The following CCDC148 variants were observed in gnomAD, a reference collection of about 807,000 sequenced individuals.
The protein encoded by CCDC148 is coiled-coil domain containing 148.
CCDC148 carries 89 observed loss-of-function variants against 85.7 expected under a neutral mutation model. That is an observed-to-expected ratio of 1.04 (90% confidence interval 0.87 to 1.24). The LOEUF (loss-of-function observed/expected upper bound fraction) is 1.24. Among genes scored for constraint, CCDC148 ranks in the 50% most tolerant of loss-of-function variants. The pLI, the probability that CCDC148 is intolerant of heterozygous loss-of-function variation, is 0.00. For synonymous variants in CCDC148, 230 were observed against 213.9 expected, an observed-to-expected ratio of 1.08 and a Z score of -0.66; for missense variants, 692 against 671.7, an observed-to-expected ratio of 1.03 and a Z score of -0.33.
chr2:158,388,948 T>C (rs1685196109), intron 1 of CCDC148, among the ~76,000 whole-genome samples: 1 of 152,222 alleles, frequency 6.6e-6, no homozygotes, highest in African/African-American at 2.4e-5. Context: ...TAGTTGCAGA[T>C]GCCTGAAAAC....
intron 1 of CCDC148, among the ~76,000 whole-genome samples, chr2:158,394,896 T>C (rs1176207058): frequency 6.6e-6 from 1 of 152,106 alleles, no homozygotes; most frequent in Non-Finnish European, 1.5e-5. Context: ...AAATGAGTTA[T>C]CTTATTATAA....
At chr2:158,345,386 G>C (rs189287327) in intron 2 of CCDC148, 68 bp from the exon 3 acceptor site, 1 of 1,026,442 alleles carries the variant, frequency 9.7e-7, no homozygotes, top group Admixed American at 2.3e-5. Flanking sequence ...CAACAGAAAT[G>C]CTTAATCTGA....
chr2:158,208,519 C>T (rs770694289), intron 11 of CCDC148, among the ~76,000 whole-genome samples: 2 of 152,002 alleles, frequency 1.3e-5, no homozygotes, highest in African/African-American at 2.4e-5. Flanking sequence ...CAGGGCCTGT[C>T]GAGGAGCTGT....
At chr2:158,342,257 T>C (rs1233612737) in intron 3 of CCDC148, among the ~76,000 whole-genome samples, 2 of 152,078 alleles carry the variant, frequency 1.3e-5, no homozygotes, top group African/African-American at 2.4e-5. Flanking sequence ...CTCAAACTCC[T>C]GACCTCAGGT....
At chr2:158,439,031 C>G (rs1457876098) in intron 1 of CCDC148, among the ~76,000 whole-genome samples, 8 of 152,168 alleles carry the variant, frequency 5.3e-5, no homozygotes, top group Non-Finnish European at 1.2e-4. Context: ...GTTGGTGGGA[C>G]TGTAAACTAG....
At chr2:158,340,188 A>G (rs900279095) in intron 5 of CCDC148, 54 bp downstream of exon 5, 11 of 1,547,818 alleles carry the variant, frequency 7.1e-6, no homozygotes, top group South Asian at 1.2e-5. Flanking sequence ...AAACTCTTCT[A>G]GTTGGGACAA....
chr2:158,430,215 C>G (rs1318412803), intron 1 of CCDC148, among the ~76,000 whole-genome samples: 1 of 152,274 alleles, frequency 6.6e-6, no homozygotes, highest in African/African-American at 2.4e-5. Context: ...CAATCATTCA[C>G]AGTAGGGACC....
chr2:158,437,910 C>T (rs545444373), intron 1 of CCDC148, among the ~76,000 whole-genome samples: 1 of 152,284 alleles, frequency 6.6e-6, no homozygotes, highest in East Asian at 1.9e-4. Flanking sequence ...AGGAATCCAA[C>T]TTACAAGGGA....
intron 7 of CCDC148, among the ~76,000 whole-genome samples, chr2:158,330,146 G>A (rs994448003): frequency 6.6e-6 from 1 of 152,136 alleles, no homozygotes; most frequent in Non-Finnish European, 1.5e-5. Context: ...CTGTGGGTTT[G>A]TCATAGATAG....
chr2:158,199,092 A>C (rs1478448493), intron 11 of CCDC148, among the ~76,000 whole-genome samples: 1 of 152,168 alleles, frequency 6.6e-6, no homozygotes, highest in Non-Finnish European at 1.5e-5. Context: ...CATGGCAGCA[A>C]GGTATGAATT....
intron 9 of CCDC148, among the ~76,000 whole-genome samples, chr2:158,304,735 A>G (rs1432903753): frequency 6.6e-6 from 1 of 152,156 alleles, no homozygotes; most frequent in African/African-American, 2.4e-5. Flanking sequence ...TCCTGAACTC[A>G]TCAGAGAGCA....
chr2:158,406,249 A>G (rs2602194), intron 1 of CCDC148, among the ~76,000 whole-genome samples: 135,181 of 152,124 alleles, frequency 0.89, 60,824 homozygotes, highest in Non-Finnish European at 0.96. Flanking sequence ...AAGGCTGTCC[A>G]CATCCCCTCT....
intron 1 of CCDC148, among the ~76,000 whole-genome samples, chr2:158,439,251 A>T (rs985230094): frequency 1.2e-4 from 18 of 152,350 alleles, no homozygotes; most frequent in Admixed American, 8.5e-4. Flanking sequence ...GATAGACTGG[A>T]TTAAGAAAAT....
intron 13 of CCDC148, among the ~76,000 whole-genome samples, chr2:158,172,798 T>C (rs1182053791): frequency 6.6e-6 from 1 of 152,082 alleles, no homozygotes; most frequent in Admixed American, 6.6e-5. Flanking sequence ...TAAGTGGAAG[T>C]AGACATATGA....
chr2:158,317,488 C>G (rs1692334906), intron 7 of CCDC148, among the ~76,000 whole-genome samples: 1 of 152,068 alleles, frequency 6.6e-6, no homozygotes, highest in African/African-American at 2.4e-5. Flanking sequence ...GGAAGTGAGA[C>G]AAAACAGATA....
intron 10 of CCDC148, among the ~76,000 whole-genome samples, chr2:158,246,617 G>A (rs900036755): frequency 2.6e-5 from 4 of 152,232 alleles, no homozygotes; most frequent in African/African-American, 7.2e-5. Flanking sequence ...GCTGGTGGCC[G>A]GGCCTTTAAC....
intron 9 of CCDC148, among the ~76,000 whole-genome samples, chr2:158,272,276 G>C (rs114671407): frequency 2.0e-5 from 3 of 152,110 alleles, no homozygotes; most frequent in African/African-American, 7.2e-5. Context: ...AGCAGAGCAT[G>C]TGCTAGAGGT....
At chr2:158,366,235 C>A (rs1684197526) in intron 1 of CCDC148, among the ~76,000 whole-genome samples, 1 of 152,018 alleles carries the variant, frequency 6.6e-6, no homozygotes, top group African/African-American at 2.4e-5. Flanking sequence ...TAGAAGCCTC[C>A]CTCTGTTAGT....
At chr2:158,414,852 C>A (rs1202177264) in intron 1 of CCDC148, among the ~76,000 whole-genome samples, 2 of 151,966 alleles carry the variant, frequency 1.3e-5, no homozygotes, top group Non-Finnish European at 2.9e-5. Flanking sequence ...AGCATTTCTC[C>A]TAAGGAAAAA....
Sources: gnomAD v4.1 joint callset for allele counts (sites outside exome capture counted in the v4.1 genomes callset) on GRCh38, gnomAD v4.1.1 for gene constraint, MANE v1.5 for transcripts, NCBI Gene and HGNC (gene_info 2026-07-23, HGNC 2026-07-21) for gene names.